The following OXR1 variants were observed in gnomAD, a reference collection of about 807,000 sequenced individuals.
OXR1 encodes the protein oxidation resistance 1, also known as oxidation resistance protein 1.
OXR1 carries 41 observed loss-of-function variants against 104.6 expected under a neutral mutation model. The ratio of observed to expected loss-of-function variants is 0.39; its 90% confidence interval spans 0.31 to 0.51. The LOEUF (loss-of-function observed/expected upper bound fraction) is 0.51. Ranked by LOEUF, OXR1 falls within the 20% of genes least tolerant of loss-of-function variation. The probability of loss-of-function intolerance (pLI) is 0.77; values close to 1 mark genes in which losing one functional copy is unlikely to be tolerated. For missense variants in OXR1, 955 were observed against 1,031.9 expected (o/e 0.93, Z 1.02); for synonymous variants, 348 against 348.4 (o/e 1.00, Z 0.01).
chr8:106,400,111 G>C (rs1421015146), intron 2 of OXR1, among the ~76,000 whole-genome samples: 1 of 151,676 alleles, frequency 6.6e-6, no homozygotes, highest in Non-Finnish European at 1.5e-5. Context: ...ATCATTTCTT[G>C]ATTATAAGCC....
chr8:106,569,701 C>T (rs1439087608), intron 3 of OXR1, among the ~76,000 whole-genome samples: 1 of 152,226 alleles, frequency 6.6e-6, no homozygotes, highest in Non-Finnish European at 1.5e-5. Flanking sequence ...TTGACATTCA[C>T]ATGAATTCTC....
chr8:106,637,421 CAA>C (rs1823234781), intron 3 of OXR1, among the ~76,000 whole-genome samples: 7 of 151,882 alleles, frequency 4.6e-5, no homozygotes, highest in African/African-American at 1.7e-4. Context: ...AAGATTAAGA[CAA>C]AAAGATGAAC....
chr8:106,493,115 T>C (rs1250500482), intron 2 of OXR1, among the ~76,000 whole-genome samples: 2 of 152,134 alleles, frequency 1.3e-5, no homozygotes, highest in Non-Finnish European at 2.9e-5. Flanking sequence ...TATTATACAT[T>C]CTTAAATGCT....
chr8:106,551,107 C>T (rs965912952), intron 3 of OXR1, among the ~76,000 whole-genome samples: 12 of 152,116 alleles, frequency 7.9e-5, no homozygotes, highest in South Asian at 2.1e-4. Flanking sequence ...TCTATTTAGG[C>T]GTTTAATTGG....
At chr8:106,469,540 A>T (rs541269543) in intron 2 of OXR1, among the ~76,000 whole-genome samples, 2 of 151,958 alleles carry the variant, frequency 1.3e-5, no homozygotes, top group African/African-American at 4.8e-5. Flanking sequence ...AATATAAAGG[A>T]ACAAATGTGT....
chr8:106,361,706 C>T (rs1392786877), intron 2 of OXR1, among the ~76,000 whole-genome samples: 3 of 152,236 alleles, frequency 2.0e-5, no homozygotes, highest in Admixed American at 6.5e-5. Flanking sequence ...CAGGAATGCA[C>T]AGTAACTCAT....
chr8:106,581,712 G>C (rs1024638777), intron 3 of OXR1, among the ~76,000 whole-genome samples: 1 of 151,910 alleles, frequency 6.6e-6, no homozygotes, highest in Non-Finnish European at 1.5e-5. Context: ...AAAATTGCTT[G>C]TATGGAGAAA....
chr8:106,393,880 A>G (rs189277021), intron 2 of OXR1, among the ~76,000 whole-genome samples: 210 of 152,218 alleles, frequency 1.4e-3, no homozygotes, highest in Non-Finnish European at 2.5e-3. Context: ...ATATTCCTAT[A>G]TATTTATACT....
intron 1 of OXR1, among the ~76,000 whole-genome samples, chr8:106,280,365 G>A (rs1347357199): frequency 1.3e-5 from 2 of 152,102 alleles, no homozygotes; most frequent in South Asian, 4.1e-4. Context: ...GTGTTGACAC[G>A]GCCATTCGGG....
chr8:106,280,952 A>G (rs917669675), intron 1 of OXR1, among the ~76,000 whole-genome samples: 1 of 152,194 alleles, frequency 6.6e-6, no homozygotes, highest in Non-Finnish European at 1.5e-5. Context: ...GGGACAGAGA[A>G]GTTGACCAGA....
intron 2 of OXR1, among the ~76,000 whole-genome samples, chr8:106,406,392 C>T (rs1399156936): frequency 6.6e-6 from 1 of 151,794 alleles, no homozygotes; most frequent in African/African-American, 2.4e-5. Context: ...TGCCTGTCTC[C>T]CTGCAAATAC....
At chr8:106,419,572 C>T (rs543380101) in intron 2 of OXR1, among the ~76,000 whole-genome samples, 2 of 152,118 alleles carry the variant, frequency 1.3e-5, no homozygotes, top group Non-Finnish European at 2.9e-5. Flanking sequence ...GTTCCATTCC[C>T]TTTGTGGGGC....
intron 2 of OXR1, among the ~76,000 whole-genome samples, chr8:106,509,911 A>G (rs1812412159): frequency 1.3e-5 from 2 of 152,194 alleles, no homozygotes; most frequent in Non-Finnish European, 2.9e-5. Context: ...AGCTGGCACT[A>G]CAGGTGCACA....
At chr8:106,595,567 A>G (rs13272677) in intron 3 of OXR1, among the ~76,000 whole-genome samples, 3,910 of 151,396 alleles carry the variant, frequency 0.026, 77 homozygotes, top group Admixed American at 0.05. Flanking sequence ...AAAAAAAAAA[A>G]AAAGAAAAGA....
At chr8:106,418,280 A>T (rs1182133802) in intron 2 of OXR1, among the ~76,000 whole-genome samples, 4 of 152,058 alleles carry the variant, frequency 2.6e-5, no homozygotes, top group Non-Finnish European at 1.5e-5. Flanking sequence ...TATATAATAT[A>T]TGTCTAAAGA....
At chr8:106,314,173 A>G (rs1027750510) in intron 1 of OXR1, among the ~76,000 whole-genome samples, 1 of 152,090 alleles carries the variant, frequency 6.6e-6, no homozygotes, top group African/African-American at 2.4e-5. Context: ...GATTGCAGGG[A>G]CCCTTTTTTC....
intron 2 of OXR1, among the ~76,000 whole-genome samples, chr8:106,501,506 C>G (rs1050198238): frequency 1.3e-5 from 2 of 152,162 alleles, no homozygotes; most frequent in Non-Finnish European, 2.9e-5. Flanking sequence ...GCACTTTGCT[C>G]TTCGTTTGCA....
intron 2 of OXR1, among the ~76,000 whole-genome samples, chr8:106,444,179 T>C (rs1379101911): frequency 6.6e-6 from 1 of 152,042 alleles, no homozygotes; most frequent in Admixed American, 6.6e-5. Context: ...TTATTAAAAA[T>C]CTAGAAACAA....
intron 3 of OXR1, among the ~76,000 whole-genome samples, chr8:106,521,152 A>G (rs934883260): frequency 1.3e-5 from 2 of 152,216 alleles, no homozygotes; most frequent in Non-Finnish European, 2.9e-5. Flanking sequence ...CAAGGCTAAC[A>G]TATTAGCAAC....
Sources: allele counts gnomAD v4.1 joint callset (sites outside exome capture counted in the v4.1 genomes callset), GRCh38; gene constraint gnomAD v4.1.1; transcripts MANE v1.5; gene names NCBI Gene and HGNC (gene_info 2026-07-23, HGNC 2026-07-21).